Variants in CIMIP1 observed in about 807,000 individuals in gnomAD.
The protein encoded by CIMIP1 is low in lung cancer 1.
At chr20:58,153,395 A>C in the CIMIP1 span, 280 of 641,018 alleles carry the variant, frequency 4.4e-4, 2 homozygotes, top group African/African-American at 4.6e-3. Context: ...GGTGCTCAGC[A>C]TCAGAGGTTC....
chr20:58,160,557 T>C, the CIMIP1 span: 1 of 1,275,480 alleles, frequency 7.8e-7, no homozygotes, highest in Non-Finnish European at 1.1e-6. Context: ...TCAGGGAGGC[T>C]GGCTTTTCTT....
chr20:58,150,940 G>C, the CIMIP1 span: 58 of 1,590,722 alleles, frequency 3.6e-5, no homozygotes, highest in Admixed American at 6.9e-4. Context: ...CAGAGCTTGC[G>C]GGGCGCACAG....
chr20:58,155,195 C>T, the CIMIP1 span, among the ~76,000 whole-genome samples: 1 of 152,242 alleles, frequency 6.6e-6, no homozygotes, highest in African/African-American at 2.4e-5. Context: ...CTGTGGTGAG[C>T]AGCAGGAGGG....
chr20:58,159,016 G>A, the CIMIP1 span, among the ~76,000 whole-genome samples: 397 of 152,276 alleles, frequency 2.6e-3, 1 homozygote, highest in East Asian at 0.011. Context: ...ATGAGCCTCC[G>A]TGGGTGGATA....
the CIMIP1 span, chr20:58,161,095 G>A: frequency 3.4e-6 from 1 of 291,600 alleles, no homozygotes; most frequent in Non-Finnish European, 6.3e-6. Flanking sequence ...TTCTATGCAG[G>A]GCTTTAAAAA....
At chr20:58,160,977 C>T in the CIMIP1 span, 17 of 744,824 alleles carry the variant, frequency 2.3e-5, no homozygotes, top group East Asian at 2.0e-4. Flanking sequence ...GTGCCTTAGA[C>T]ATTCTCAAGT....
At chr20:58,154,675 T>G in the CIMIP1 span, among the ~76,000 whole-genome samples, 94 of 152,246 alleles carry the variant, frequency 6.2e-4, no homozygotes, top group Non-Finnish European at 1.1e-3. Context: ...GAGTCTATAT[T>G]AATATTCTTT....
At chr20:58,160,438 A>G in the CIMIP1 span, among the ~76,000 whole-genome samples, 1 of 152,230 alleles carries the variant, frequency 6.6e-6, no homozygotes, top group Non-Finnish European at 1.5e-5. Context: ...CATGAATTAA[A>G]TATGTTAGGC....
chr20:58,156,727 C>G, the CIMIP1 span, among the ~76,000 whole-genome samples: 10 of 152,198 alleles, frequency 6.6e-5, no homozygotes, highest in African/African-American at 2.4e-4. Context: ...GGACATGGCT[C>G]AGATCCCTCT....
At chr20:58,158,857 C>T in the CIMIP1 span, among the ~76,000 whole-genome samples, 4 of 152,186 alleles carry the variant, frequency 2.6e-5, no homozygotes, top group African/African-American at 7.2e-5. Flanking sequence ...TAGACAAGGA[C>T]ATCCATGGGC....
chr20:58,157,812 C>T, the CIMIP1 span, among the ~76,000 whole-genome samples: 24 of 152,200 alleles, frequency 1.6e-4, no homozygotes, highest in Non-Finnish European at 3.1e-4. Context: ...TTAGGGAGCT[C>T]GCTCTCCTGT....
the CIMIP1 span, among the ~76,000 whole-genome samples, chr20:58,154,756 T>C: frequency 6.6e-6 from 1 of 152,206 alleles, no homozygotes; most frequent in Non-Finnish European, 1.5e-5. Flanking sequence ...GTGGACGCTC[T>C]CCTCTAATAT....
chr20:58,159,375 G>A, the CIMIP1 span, among the ~76,000 whole-genome samples: 1 of 151,786 alleles, frequency 6.6e-6, no homozygotes, highest in African/African-American at 2.4e-5. Context: ...AATTAGCTGG[G>A]CATGATGGCA....
chr20:58,155,451 T>C, the CIMIP1 span: 1 of 1,599,924 alleles, frequency 6.3e-7, no homozygotes, highest in African/African-American at 1.3e-5. Flanking sequence ...TTCCCATCTC[T>C]GGGGATTCTG....
chr20:58,153,758 A>G, the CIMIP1 span: 3 of 682,486 alleles, frequency 4.4e-6, no homozygotes, highest in Non-Finnish European at 7.5e-6. Context: ...CTCCTAAACC[A>G]GAAGGTTCCC....
the CIMIP1 span, chr20:58,150,961 C>T: frequency 4.4e-6 from 7 of 1,603,084 alleles, no homozygotes; most frequent in African/African-American, 1.3e-5. Flanking sequence ...AGCCCCCAGG[C>T]CTCATGGCGC....
the CIMIP1 span, chr20:58,155,552 G>A: frequency 1.2e-6 from 2 of 1,614,070 alleles, no homozygotes; most frequent in South Asian, 1.1e-5. Context: ...GGTGACCCCA[G>A]TGGAGAAGTA....
At chr20:58,156,194 A>T in the CIMIP1 span, among the ~76,000 whole-genome samples, 1 of 152,176 alleles carries the variant, frequency 6.6e-6, no homozygotes, top group African/African-American at 2.4e-5. Context: ...AACCAAGAAA[A>T]TCAACACCAT....
chr20:58,159,836 T>C, the CIMIP1 span, among the ~76,000 whole-genome samples: 2 of 152,168 alleles, frequency 1.3e-5, no homozygotes, highest in Admixed American at 1.3e-4. Context: ...GAGACTAATT[T>C]TAGGAGTTCA....
Sources: gnomAD v4.1 joint callset for allele counts (sites outside exome capture counted in the v4.1 genomes callset) on GRCh38, gnomAD v4.1.1 for gene constraint, MANE v1.5 for transcripts, NCBI Gene and HGNC (gene_info 2026-07-23, HGNC 2026-07-21) for gene names.